ZNF177: variants seen among roughly 807,000 people sequenced by gnomAD.
ZNF177 encodes zinc finger protein 177.
Under a neutral mutation model 19.4 loss-of-function variants are expected in ZNF177, and 17 were observed. The observed-to-expected ratio is 0.87, with a 90% CI of 0.60 to 1.31. The LOEUF (loss-of-function observed/expected upper bound fraction) is 1.31, where lower values mean the gene tolerates loss of function less well. ZNF177 is among the 40% of genes most tolerant of loss of function. The pLI is 0.00. For missense variants in ZNF177, 633 were observed against 561.8 expected (o/e 1.13, Z -1.28); for synonymous variants, 220 against 188.7 (o/e 1.17, Z -1.36).
chr19:9,378,748 C>T, intron 2 of ZNF177: 3 of 732,064 alleles, frequency 4.1e-6, no homozygotes, highest in Non-Finnish European at 6.1e-6. Flanking sequence ...GCTGTTTTGA[C>T]CATGACCCTG....
exon 6 of ZNF177, chr19:9,381,575 A>G (rs1568385900): frequency 4.3e-6 from 7 of 1,614,174 alleles, no homozygotes; most frequent in Non-Finnish European, 5.1e-6. Flanking sequence ...ATTGTGCACA[A>G]GAGAACTCAC....
At chr19:9,379,425 AT>A (rs2068157467) in intron 3 of ZNF177, 101 bp from the exon 6 acceptor site, 1 of 1,420,294 alleles carries the variant, frequency 7.0e-7, no homozygotes, top group Non-Finnish European at 9.4e-7. Context: ...GCACTTGACT[AT>A]TTTAATAATC....
At chr19:9,378,449 C>A in intron 2 of ZNF177, 105 bp downstream of exon 4, 1 of 1,531,648 alleles carries the variant, frequency 6.5e-7, no homozygotes, top group Non-Finnish European at 8.8e-7. Context: ...GAGCTGGCTT[C>A]ATCTTCCGCA....
exon 6 of ZNF177, chr19:9,382,150 C>G (rs2068212900): frequency 2.5e-6 from 1 of 398,404 alleles, no homozygotes; most frequent in Admixed American, 4.0e-5. Context: ...ATCCATTCCT[C>G]CCTTCTTTCT....
chr19:9,365,531 G>A (rs573578158), intron 2 of ZNF177, among the ~76,000 whole-genome samples: 1 of 151,906 alleles, frequency 6.6e-6, no homozygotes, highest in East Asian at 1.9e-4. Flanking sequence ...AAGGGGGTCA[G>A]GGGGTTCTTG....
At position 9,381,480 on chromosome 19, in the gene ZNF177, TAAGA is replaced by T. The variant is rs2068200888; in HGVS notation, c.1152_1155del (p.Lys384AsnfsTer55). ...AAGCCTTCATCGATCAGTCATCCCT[TAAGA>T]AACACACACGCTCTCACACTGGAGA... On this transcript the variant is annotated frameshift_variant, in exon 6 of 6. Transcript: ENST00000589262. LOFTEE classifies it low-confidence loss of function (END_TRUNC). 6.2e-7 allele frequency: 1 copy of T among 1,611,712 alleles called. No individual in the cohort carries two copies. The highest frequency in any genetic ancestry group is 8.5e-7 in the Non-Finnish European group (1 of 1,177,996).
chr19:9,364,354 T>C (rs533554708), intron 1 of ZNF177, among the ~76,000 whole-genome samples: 28 of 152,296 alleles, frequency 1.8e-4, no homozygotes, highest in African/African-American at 5.8e-4. Flanking sequence ...GTTTGTGATA[T>C]GACTGTGATG....
At chr19:9,379,713 T>C in intron 4 of ZNF177, 94 bp downstream of exon 6, 1 of 1,389,562 alleles carries the variant, frequency 7.2e-7, no homozygotes, top group Non-Finnish European at 9.7e-7. Context: ...TCTGAGGCCA[T>C]GACATGAGCT....
chr19:9,375,405 T>A (rs182432108), upstream of ZNF177, among the ~76,000 whole-genome samples: 6 of 152,250 alleles, frequency 3.9e-5, no homozygotes, highest in East Asian at 9.6e-4. Context: ...TTTGGAAGAG[T>A]TTGAGAAGGA....
intron 2 of ZNF177, among the ~76,000 whole-genome samples, chr19:9,370,965 C>A (rs1003076940): frequency 7.2e-5 from 11 of 152,162 alleles, no homozygotes; most frequent in African/African-American, 2.4e-4. Flanking sequence ...TAGCCACTAG[C>A]CTCATGTGGC....
At chr19:9,382,494 A>T (rs1343501591), downstream of ZNF177, 8 of 398,316 alleles carry the variant, frequency 2.0e-5, no homozygotes, top group Admixed American at 4.4e-5. Flanking sequence ...TCTGGATTTC[A>T]TGTTACATGA....
intron 4 of ZNF177, 75 bp from the exon 7 acceptor site, chr19:9,379,982 A>G (rs1252468891): frequency 1.3e-6 from 2 of 1,523,108 alleles, no homozygotes; most frequent in East Asian, 4.6e-5. Flanking sequence ...AAACAAATCC[A>G]TAGGGTCTCC....
At chr19:9,364,804 T>C (rs1434026974) in intron 1 of ZNF177, 58 bp from the exon 2 acceptor site, 1 of 152,176 alleles carries the variant, frequency 6.6e-6, no homozygotes, top group Non-Finnish European at 1.5e-5. Flanking sequence ...GGTTCGATTT[T>C]CATGGTGTAT....
chr19:9,381,005 T>A, exon 6 of ZNF177: 1 of 1,577,408 alleles, frequency 6.3e-7, no homozygotes, highest in Non-Finnish European at 8.6e-7. Flanking sequence ...CGTGAGCAAA[T>A]ACCTACTGGA....
At position 9,379,462 on chromosome 19, in the gene ZNF177, A is replaced by G. The variant is rs1437287008; in HGVS notation, c.161-65A>G. The G allele has an allele frequency of 3.0e-5, 46 of 1,549,210 alleles. No homozygotes were observed. In the East Asian group the frequency reaches 5.8e-4, roughly 19 times the overall value. The stretch of plus-strand genomic sequence containing the variant: ...CTTTAGTTAAAGCCAAAGTATGGCA[A>G]TCAGTTTTGTGGAATATTTAATTCT... On this transcript the variant is annotated intron_variant, in intron 3 of 5. Transcript: ENST00000589262.
At chr19:9,373,422 C>A (rs145193295), upstream of ZNF177, among the ~76,000 whole-genome samples, 690 of 152,264 alleles carry the variant, frequency 4.5e-3, 5 homozygotes, top group African/African-American at 0.016. Context: ...GTCACAGATA[C>A]CTCTTTAAGA....
At chr19:9,374,238 C>T (rs2068082443), upstream of ZNF177, among the ~76,000 whole-genome samples, 1 of 152,142 alleles carries the variant, frequency 6.6e-6, no homozygotes, top group African/African-American at 2.4e-5. Flanking sequence ...TCTGGGCTTC[C>T]TATTCTGTTA....
At chr19:9,381,811 C>T (rs1255842583) in exon 6 of ZNF177, 1 of 1,554,044 alleles carries the variant, frequency 6.4e-7, no homozygotes. Flanking sequence ...GCCCCTCATG[C>T]CTCCTTTCTC....
rs190153804 is a variant in ZNF177, at chr19:9,378,196, C to T, written c.-53-63C>T. 1,585 of 1,435,292 alleles carry T rather than the reference C, an allele frequency of 1.1e-3. 16 individuals are homozygous for T. The Admixed American group carries it at 0.023, about 20-fold the overall frequency. 88.9% of individuals were successfully genotyped at this position (1,435,292 alleles called of 1,614,324 possible). On this transcript the variant is annotated intron_variant, in intron 1 of 5. Transcript: ENST00000589262. ...TACCCTTTAGTAAGAAGAAGCTTCC[C>T]AGCCTGCTAGTGTTGAACATCTAGC...
Sources: allele counts gnomAD v4.1 joint callset (sites outside exome capture counted in the v4.1 genomes callset), GRCh38; gene constraint gnomAD v4.1.1; transcripts MANE v1.5; gene names NCBI Gene and HGNC (gene_info 2026-07-23, HGNC 2026-07-21).